The following UTP20 variants were observed in gnomAD, a reference collection of about 807,000 sequenced individuals.
The protein encoded by UTP20 is UTP20 small subunit processome component, also known as small subunit processome component 20 homolog.
A neutral mutation model predicts 329.5 loss-of-function variants in UTP20; 164 were observed. The ratio of observed to expected loss-of-function variants is 0.50; its 90% CI spans 0.44 to 0.57. The LOEUF is 0.57. UTP20 is among the 20% of genes least tolerant of loss of function. The pLI is 0.00. For missense variants in UTP20, 3,055 were observed against 3,284.2 expected (o/e 0.93, Z 1.71); for synonymous variants, 1,151 against 1,159.3 (o/e 0.99, Z 0.14).
In UTP20 at chr12:101,383,555, T is replaced by C; in HGVS notation, c.7942T>C (p.Phe2648Leu). 2 of 1,613,376 alleles carry C rather than the reference T, an allele frequency of 1.2e-6. No homozygotes were observed. The highest frequency in any genetic ancestry group is 1.7e-6 in the Non-Finnish European group (2 of 1,179,812). The change falls in exon 60 of 62, where the codon TTT becomes CTT. Residue 2648 changes from phenylalanine (F) to leucine (L), a missense_variant. Phe to Leu is a conservative substitution (Grantham distance 22). Around this residue, in one of 3 missense-constraint regions of UTP20, gnomAD observed 337 missense variants for 345.5 expected, o/e 0.98. Coordinates refer to ENST00000261637, the MANE Select transcript of UTP20 (RefSeq NM_014503.3). Reference sequence around the variant, plus strand: ...TCTGTACTTTCAGAGAACATGCATCTTTAAGTTCCTCGGCGCCGTAGCAAT... The same window carrying C: ...TCTGTACTTTCAGAGAACATGCATCCTTAAGTTCCTCGGCGCCGTAGCAAT... ...PRNPLKRTCI[F>L]KFLGAVAMDL... is the part of the protein sequence containing the mutation.
chr12:101,337,941 C>A, intron 29 of UTP20, 110 bp from the exon 30 acceptor site: 1 of 961,394 alleles, frequency 1.0e-6, no homozygotes, highest in Non-Finnish European at 1.5e-6. Context: ...TTTGAATAAT[C>A]TTATTAATGT....
At position 101,290,837 on chromosome 12, in the gene UTP20, T is replaced by C; in HGVS notation, c.840T>C (p.Thr280=). The change falls in exon 8 of 62, where the codon ACT becomes ACC. Residue 280 remains threonine, a synonymous_variant. Coordinates refer to ENST00000261637, the MANE Select transcript of UTP20 (RefSeq NM_014503.3). ...CACTCAAAAACATGGTCAAATCCAC[T>C]GTATCCTACATCTCCAAGGAACATT... ...GETLKNMVKS[T]VSYISKEHFG... The C allele has an allele frequency of 6.2e-7, 1 of 1,614,030 alleles. No individual in the cohort carries two copies. Among genetic ancestry groups the C allele is most frequent in the Non-Finnish European group, 8.5e-7 (1 of 1,179,954 alleles).
intron 17 of UTP20, 39 bp downstream of exon 17, chr12:101,306,800 A>G (rs756517253): frequency 6.6e-7 from 1 of 1,521,976 alleles, no homozygotes. Context: ...TTAAAAAAAT[A>G]TAGTTTTACA....
Position 101,311,746 on chromosome 12 carries a change from G to A in UTP20, c.2259G>A (p.Lys753=). The A allele has an allele frequency of 6.2e-7, 1 of 1,611,780 alleles. No individual in the cohort carries two copies. Among genetic ancestry groups the A allele is most frequent in the Non-Finnish European group, 8.5e-7 (1 of 1,179,454 alleles). The part of the protein sequence containing the change: ...ISSHAHEMEN[K]QFWKVYYEHL... ...CTCATGCACACGAAATGGAAAATAA[G>A]CAATTTTGGAAAGTCTACTATGAGC... The change falls in exon 20 of 62, where the codon AAG becomes AAA. Residue 753 remains lysine, a synonymous_variant. Coordinates refer to ENST00000261637, the MANE Select transcript of UTP20 (RefSeq NM_014503.3).
chr12:101,308,304 T>C lies in UTP20; in HGVS notation c.2115T>C (p.Asp705=). ...KLLHLRKLRH[D]VVQTAVPDGP... is the part of the protein sequence containing the mutation. ...TTCATTTGAGAAAACTAAGACATGA[T>C]GTGGTACAGACTGCTGTCCCTGATG... Residue 705 remains aspartate, a synonymous_variant, in exon 18 of 62, where the codon GAT becomes GAC. Transcript: ENST00000261637. 6.2e-7 allele frequency: 1 copy of C among 1,611,352 alleles called. No homozygotes were observed.
At chr12:101,352,639 A>G (rs1869569123) in intron 39 of UTP20, among the ~76,000 whole-genome samples, 1 of 138,846 alleles carries the variant, frequency 7.2e-6, no homozygotes, top group African/African-American at 3.2e-5. Context: ...AGGAAGGGGA[A>G]CATCACACTC....
At chr12:101,305,775 G>A (rs764977816) in intron 15 of UTP20, 140 bp from the exon 16 acceptor site, 1 of 944,914 alleles carries the variant, frequency 1.1e-6, no homozygotes, top group Non-Finnish European at 1.5e-6. Flanking sequence ...TCTATGAAGT[G>A]AGCCAGATAT....
Position 101,344,668 on chromosome 12 carries a change from A to C in UTP20, c.4523A>C (p.Asn1508Thr), listed in dbSNP as rs746376511. Residue 1508 changes from asparagine to threonine, a missense_variant, in exon 36 of 62, where the codon AAT (asparagine) becomes ACT (threonine). Asn to Thr is a moderately conservative substitution (Grantham distance 65). Around this residue, in one of 3 missense-constraint regions of UTP20, gnomAD observed 2,445 missense variants for 2,575.5 expected, o/e 0.95. Coordinates refer to ENST00000261637, the MANE Select transcript of UTP20 (RefSeq NM_014503.3). ...ATCATCAAAAAGCTAGCTGCCTTGA[A>C]TGTCACAGAGAAAGACTATAGAGAA... ...MSIIKKLAAL[N>T]VTEKDYREII... 1.0e-5 allele frequency: 16 copies of C among 1,593,254 alleles called. No homozygotes were observed. In the African/African-American group the frequency reaches 2.0e-4, roughly 20 times the overall value.
intron 24 of UTP20, 39 bp from the exon 25 acceptor site, chr12:101,321,465 T>A (rs1210136771): frequency 1.2e-6 from 2 of 1,607,730 alleles, no homozygotes; most frequent in Non-Finnish European, 1.7e-6. Context: ...AAAGCACTGT[T>A]GATAAAGTGG....
chr12:101,329,161 TG>T (rs1868669068), intron 26 of UTP20, 79 bp from the exon 27 acceptor site: 4 of 1,242,058 alleles, frequency 3.2e-6, no homozygotes, highest in Non-Finnish European at 4.6e-6. Context: ...TTAAGGGAAA[TG>T]GAAATAAAAC....
rs1165970202 is a variant in UTP20 at position 101,367,888 on chromosome 12, A to G, written c.6296A>G (p.Lys2099Arg). The change falls in exon 48 of 62, where the codon AAG becomes AGG. Residue 2099 changes from lysine to arginine, a missense_variant. This residue lies in a region of UTP20 where 2,445 missense variants were observed against 2,575.5 expected (regional missense o/e 0.95). Coordinates refer to ENST00000261637, the MANE Select transcript of UTP20 (RefSeq NM_014503.3). ...RLLHLSLKTS[K>R]IKSSGECVLE... ...CTGCATCTGAGTCTGAAGACTTCCA[A>G]GATCAAGTCTTCAGGTGAATGTGTC... is the stretch of plus-strand genomic sequence containing the variant. The G allele has an allele frequency of 6.2e-7, 1 of 1,613,686 alleles. No individual in the cohort carries two copies. The highest frequency in any genetic ancestry group is 2.2e-5 in the East Asian group (1 of 44,878).
intron 29 of UTP20, among the ~76,000 whole-genome samples, chr12:101,334,842 C>T (rs562735780): frequency 2.0e-5 from 3 of 152,022 alleles, no homozygotes; most frequent in East Asian, 1.9e-4. Context: ...GGGCATGTGG[C>T]GCATGCCTTT....
chr12:101,306,018 G>A lies in UTP20; in HGVS notation c.1885G>A (p.Glu629Lys). The A allele has an allele frequency of 2.5e-6, 4 of 1,613,620 alleles. No homozygotes were observed. Among genetic ancestry groups the A allele is most frequent in the Non-Finnish European group, 3.4e-6 (4 of 1,179,772 alleles). The change falls in exon 16 of 62, where the codon GAA becomes AAA. Residue 629 changes from glutamate to lysine, a missense_variant. By Grantham distance (56) the Glu-to-Lys change is moderately conservative. Around this residue, in one of 3 missense-constraint regions of UTP20, gnomAD observed 2,445 missense variants for 2,575.5 expected, o/e 0.95. Coordinates refer to ENST00000261637, the MANE Select transcript of UTP20 (RefSeq NM_014503.3). ...GCCACTTTCCCAGGAGGCTTTAATG[G>A]AATTATTTCCCAAGTTACAAGCAAA... ...KGPLSQEALM[E>K]LFPKLQANIS...
intron 26 of UTP20, among the ~76,000 whole-genome samples, chr12:101,327,460 T>C (rs1019965668): frequency 2.0e-5 from 3 of 152,256 alleles, no homozygotes; most frequent in African/African-American, 7.2e-5. Context: ...GGCACCCTTG[T>C]GTTAGAGCCC....
intron 41 of UTP20, among the ~76,000 whole-genome samples, chr12:101,355,699 C>T (rs1205221639): frequency 1.3e-5 from 2 of 152,034 alleles, no homozygotes; most frequent in Non-Finnish European, 2.9e-5. Flanking sequence ...GCCCATAAAG[C>T]CAAAAATACT....
At chr12:101,367,059 C>A (rs1377884081) in intron 47 of UTP20, among the ~76,000 whole-genome samples, 3 of 152,090 alleles carry the variant, frequency 2.0e-5, no homozygotes, top group Non-Finnish European at 4.4e-5. Context: ...GCAGGAGGAT[C>A]ACTTGAGGAG....
At chr12:101,368,037 C>T (rs1870154589) in intron 48 of UTP20, 61 bp downstream of exon 48, 2 of 1,170,804 alleles carry the variant, frequency 1.7e-6, no homozygotes, top group Non-Finnish European at 2.6e-6. Context: ...CTATGTTTTG[C>T]AGAATACCTA....
intron 16 of UTP20, among the ~76,000 whole-genome samples, chr12:101,306,322 T>G (rs898693385): frequency 6.6e-6 from 1 of 152,046 alleles, no homozygotes; most frequent in Non-Finnish European, 1.5e-5. Context: ...AAAATCAACA[T>G]AGTTTTTTTT....
intron 18 of UTP20, among the ~76,000 whole-genome samples, chr12:101,308,972 A>T (rs534642748): frequency 5.9e-4 from 89 of 151,898 alleles, no homozygotes; most frequent in South Asian, 1.2e-3. Context: ...TGACCTCGTG[A>T]TCCGCCCTCC....
Sources: allele counts gnomAD v4.1 joint callset (sites outside exome capture counted in the v4.1 genomes callset), GRCh38; gene constraint gnomAD v4.1.1; regional missense constraint gnomAD v4.1.1; transcripts MANE v1.5; gene names NCBI Gene and HGNC (gene_info 2026-07-23, HGNC 2026-07-21).